Variants in MECOM observed in about 807,000 individuals in gnomAD.
MECOM encodes the protein MDS1 and EVI1 complex locus.
In MECOM, 13 loss-of-function variants were observed where a neutral mutation model predicts 116.3. That is an observed-to-expected ratio of 0.11 (90% CI 0.07 to 0.18). MECOM has a LOEUF of 0.18. Among genes scored for constraint, MECOM ranks in the 10% least tolerant of loss-of-function variants. The probability of loss-of-function intolerance (pLI) is 1.00; values close to 1 mark genes in which losing one functional copy is unlikely to be tolerated. For missense variants in MECOM, 1,299 were observed against 1,509.0 expected (o/e 0.86, Z 2.31); for synonymous variants, 528 against 535.2 (o/e 0.99, Z 0.19).
chr3:169,335,083 G>T (rs1191596850), intron 2 of MECOM, among the ~76,000 whole-genome samples: 3 of 152,064 alleles, frequency 2.0e-5, no homozygotes, highest in African/African-American at 7.2e-5. Flanking sequence ...TTTTTCAGGG[G>T]TTTGTCATTC....
chr3:169,302,617 C>A (rs1173268704), intron 2 of MECOM, among the ~76,000 whole-genome samples: 1 of 152,078 alleles, frequency 6.6e-6, no homozygotes, highest in Non-Finnish European at 1.5e-5. Flanking sequence ...GTAATCCCAG[C>A]ACTTTGGGAG....
chr3:169,234,310 GA>G (rs144630925), intron 2 of MECOM, among the ~76,000 whole-genome samples: 2 of 151,582 alleles, frequency 1.3e-5, no homozygotes, highest in South Asian at 4.2e-4. Context: ...TTCTTTGATT[GA>G]AAAAAATCAG....
intron 2 of MECOM, among the ~76,000 whole-genome samples, chr3:169,333,199 A>C (rs1723037705): frequency 6.6e-6 from 1 of 152,152 alleles, no homozygotes; most frequent in African/African-American, 2.4e-5. Flanking sequence ...GCTGAAGCCA[A>C]AAAAAGAGAA....
chr3:169,351,566 T>C (rs2149807091), intron 2 of MECOM, among the ~76,000 whole-genome samples: 1 of 152,026 alleles, frequency 6.6e-6, no homozygotes, highest in Admixed American at 6.6e-5. Flanking sequence ...AGAAAAATGA[T>C]TCAGCAAAAA....
intron 2 of MECOM, among the ~76,000 whole-genome samples, chr3:169,357,962 TGAACAAAAATAAGAATGAATTTTG>T (rs1727556785): frequency 6.6e-6 from 1 of 151,746 alleles, no homozygotes; most frequent in Non-Finnish European, 1.5e-5. Context: ...TAATTAATAA[TGAACAAAAATAAGAATGAATTTTG>T]GAACCATGTG....
rs544896490 is a variant in MECOM at position 169,288,905 on chromosome 3, C to T, written c.375+92282G>A. 3.3e-5 allele frequency among the ~76,000 whole-genome samples: 5 copies of T among 152,304 alleles called. No homozygotes were observed. In the East Asian group the frequency reaches 7.7e-4, roughly 23 times the overall value. On this transcript the variant is annotated intron_variant, in intron 2 of 16. Transcript: ENST00000651503. ...TGAAGGAATAAATCTGACAATATGC[C>T]ATCAACTTCAACACAGTCCACTAAC...
intron 5 of MECOM, among the ~76,000 whole-genome samples, chr3:169,125,524 T>G (rs138717566): frequency 8.1e-4 from 123 of 152,204 alleles, no homozygotes; most frequent in African/African-American, 2.9e-3. Flanking sequence ...AACATGTAGG[T>G]GTAAAAAGAT....
At chr3:169,588,865 A>T (rs1766068048) in intron 1 of MECOM, among the ~76,000 whole-genome samples, 1 of 151,992 alleles carries the variant, frequency 6.6e-6, no homozygotes, top group Admixed American at 6.6e-5. Flanking sequence ...GTTTTTTTTT[A>T]ATTTAAAAGC....
intron 1 of MECOM, chr3:169,472,886 TG>T: frequency 1.4e-6 from 1 of 722,106 alleles, no homozygotes; most frequent in Non-Finnish European, 1.7e-6. Context: ...CTTACTATTG[TG>T]GTAAGACAAA....
chr3:169,491,219 A>T (rs1320263137), intron 1 of MECOM, among the ~76,000 whole-genome samples: 3 of 152,178 alleles, frequency 2.0e-5, no homozygotes, highest in Non-Finnish European at 4.4e-5. Flanking sequence ...AAAGGAGAAT[A>T]GATATTGCCA....
At chr3:169,242,870 C>A (rs996867020) in intron 2 of MECOM, among the ~76,000 whole-genome samples, 1 of 109,752 alleles carries the variant, frequency 9.1e-6, no homozygotes, top group East Asian at 2.6e-4. Context: ...TTTTTTTTTT[C>A]TTTTCCTTAG....
At chr3:169,230,093 G>A (rs941917098) in intron 2 of MECOM, among the ~76,000 whole-genome samples, 5 of 152,010 alleles carry the variant, frequency 3.3e-5, no homozygotes, top group Non-Finnish European at 1.5e-5. Context: ...TTACTTCTAT[G>A]TTTACAAAAA....
At chr3:169,584,375 C>T (rs904772524) in intron 1 of MECOM, among the ~76,000 whole-genome samples, 4 of 151,318 alleles carry the variant, frequency 2.6e-5, no homozygotes, top group South Asian at 2.1e-4. Context: ...ACCATCTTGG[C>T]TAACACGGTG....
intron 2 of MECOM, among the ~76,000 whole-genome samples, chr3:169,210,703 G>A (rs549998114): frequency 2.4e-4 from 36 of 152,122 alleles, no homozygotes; most frequent in African/African-American, 8.2e-4. Context: ...TGTAACCACC[G>A]CCCTAATTGA....
chr3:169,097,609 A>T (rs1266339028), intron 12 of MECOM, among the ~76,000 whole-genome samples: 3 of 151,900 alleles, frequency 2.0e-5, no homozygotes, highest in Non-Finnish European at 4.4e-5. Context: ...AGCATATGTA[A>T]ATCTGAATTT....
At chr3:169,557,932 T>C (rs377562745) in intron 1 of MECOM, among the ~76,000 whole-genome samples, 6 of 152,226 alleles carry the variant, frequency 3.9e-5, no homozygotes, top group African/African-American at 1.4e-4. Context: ...AACAGATATG[T>C]ACTTAAGGCT....
rs771434788 is a variant in MECOM, at chr3:169,102,188, G to A, written c.2643C>T (p.Ser881=). ...TGGCCTCAGGTTTCAGGGCACTGAA[G>A]CTCTCTAGCTTTTCTGCCATGTTTT... The part of the protein sequence containing the change: ...AIENMAEKLE[S]FSALKPEASE... The change falls in exon 11 of 17, where the codon AGC becomes AGT. Residue 881 remains serine, a synonymous_variant. Transcript: ENST00000651503. 8 of 1,613,638 alleles carry A rather than the reference G, an allele frequency of 5.0e-6. No homozygotes were observed. Among genetic ancestry groups the A allele is most frequent in the African/African-American group, 1.3e-5 (1 of 74,910 alleles).
At chr3:169,609,978 T>A (rs909557569) in intron 1 of MECOM, among the ~76,000 whole-genome samples, 4 of 152,180 alleles carry the variant, frequency 2.6e-5, no homozygotes, top group African/African-American at 9.7e-5. Flanking sequence ...TACTGATTAC[T>A]ACATTTCCCC....
At chr3:169,595,164 T>C (rs1766987614) in intron 1 of MECOM, among the ~76,000 whole-genome samples, 1 of 152,158 alleles carries the variant, frequency 6.6e-6, no homozygotes, top group African/African-American at 2.4e-5. Flanking sequence ...TTATTATTAA[T>C]TAAAAGTTTA....
Sources: allele counts gnomAD v4.1 joint callset (sites outside exome capture counted in the v4.1 genomes callset), GRCh38; gene constraint gnomAD v4.1.1; transcripts MANE v1.5; gene names NCBI Gene and HGNC (gene_info 2026-07-23, HGNC 2026-07-21).